The following FSIP2 variants were observed in gnomAD, a reference collection of about 807,000 sequenced individuals.
The protein encoded by FSIP2 is fibrous sheath interacting protein 2.
In FSIP2, 367 loss-of-function variants were observed where a neutral mutation model predicts 510.5. That is an observed-to-expected ratio of 0.72 (90% CI 0.66 to 0.78). FSIP2 has a LOEUF of 0.78. Among genes scored for constraint, FSIP2 ranks in the 30% least tolerant of loss-of-function variants. The pLI, the probability that FSIP2 is intolerant of heterozygous loss-of-function variation, is 0.00. For synonymous variants in FSIP2, 2,601 were observed against 2,732.2 expected, an observed-to-expected ratio of 0.95 and a Z score of 1.50; for missense variants, 7,594 against 7,901.7, an observed-to-expected ratio of 0.96 and a Z score of 1.48.
At chr2:185,760,780 G>C (rs1316392767) in intron 9 of FSIP2, among the ~76,000 whole-genome samples, 1 of 150,462 alleles carries the variant, frequency 6.6e-6, no homozygotes, top group Non-Finnish European at 1.5e-5. Context: ...TGAGAACAGA[G>C]AGATGGATAA....
intron 17 of FSIP2, among the ~76,000 whole-genome samples, chr2:185,809,384 T>A (rs1218112018): frequency 6.6e-6 from 1 of 152,050 alleles, no homozygotes; most frequent in African/African-American, 2.4e-5. Context: ...AGTTTTTTTT[T>A]AAGAATGAGA....
chr2:185,804,021 C>A lies in FSIP2; in HGVS notation c.14715C>A (p.Asn4905Lys). 1 of 1,499,460 alleles carries A rather than the reference C, an allele frequency of 6.7e-7. No homozygotes were observed. The highest frequency in any genetic ancestry group is 8.9e-7 in the Non-Finnish European group (1 of 1,128,342). The allele number at this position is 1,499,460 out of a possible 1,614,324, so 92.9% of individuals were successfully genotyped here. Reference sequence around the variant, plus strand: ...GTTTTATAATAAAAGAAATCTTTAACCATCATATTCAATCATTTTTATCTG... The same window carrying A: ...GTTTTATAATAAAAGAAATCTTTAAACATCATATTCAATCATTTTTATCTG... ...IASFIIKEIF[N>K]HHIQSFLSED... is the part of the protein sequence containing the mutation. The change falls in exon 17 of 23, where the codon AAC becomes AAA. Residue 4905 changes from asparagine to lysine, a missense_variant. By Grantham distance (94) the Asn-to-Lys change is moderately conservative. Coordinates refer to ENST00000424728, the MANE Select transcript of FSIP2 (RefSeq NM_173651.4).
At position 185,806,549 on chromosome 2, in the gene FSIP2, A is replaced by C; in HGVS notation, c.17243A>C (p.Glu5748Ala). ...AAAAATATCTCTGCCAAAGAAAAAG[A>C]AGAGGAAGAGAGAGAAAAAGAGAAA... is the stretch of plus-strand genomic sequence containing the variant. ...TNKNISAKEK[E>A]EEEREKEKVR... The change falls in exon 17 of 23, where the codon GAA becomes GCA. Residue 5748 changes from glutamate (E) to alanine (A), a missense_variant. Physicochemically the swap from Glu to Ala is moderately radical, Grantham distance 107 (BLOSUM62 -1). Transcript: ENST00000424728. 1 of 1,600,932 alleles carries C rather than the reference A, an allele frequency of 6.2e-7. No individual in the cohort carries two copies. Among genetic ancestry groups the C allele is most frequent in the Non-Finnish European group, 8.5e-7 (1 of 1,176,158 alleles).
At chr2:185,812,767 T>G (rs1693759172) in intron 17 of FSIP2, among the ~76,000 whole-genome samples, 1 of 152,048 alleles carries the variant, frequency 6.6e-6, no homozygotes, top group South Asian at 2.1e-4. Flanking sequence ...TTTAAAGAGG[T>G]TCTTCTGATA....
intron 14 of FSIP2, among the ~76,000 whole-genome samples, chr2:185,784,726 C>G (rs899917296): frequency 3.3e-5 from 5 of 151,970 alleles, no homozygotes; most frequent in Non-Finnish European, 7.4e-5. Context: ...AGTTAAAACA[C>G]CAAAACCCAC....
At chr2:185,763,417 A>T in intron 12 of FSIP2, 128 bp downstream of exon 12, 1 of 619,236 alleles carries the variant, frequency 1.6e-6, no homozygotes, top group African/African-American at 1.8e-5. Context: ...GAAATTAGTC[A>T]TACAATAATA....
intron 7 of FSIP2, among the ~76,000 whole-genome samples, chr2:185,748,199 G>C (rs1349844166): frequency 1.3e-5 from 2 of 151,872 alleles, no homozygotes; most frequent in Non-Finnish European, 2.9e-5. Flanking sequence ...GTACCTTTCA[G>C]TACCATCAGA....
In FSIP2 at chr2:185,796,516, A is replaced by T. The variant is rs1162423887; in HGVS notation, c.9380A>T (p.Asp3127Val). 1 of 1,534,924 alleles carries T rather than the reference A, an allele frequency of 6.5e-7. No homozygotes were observed. Residue 3127 changes from aspartate (D) to valine (V), a missense_variant, in exon 16 of 23, where the codon GAC becomes GTC. By Grantham distance (152) the Asp-to-Val change is radical. Coordinates refer to ENST00000424728, the MANE Select transcript of FSIP2 (RefSeq NM_173651.4). ...VASEIIGTLM[D>V]QCTYFNESLI... ...AGTGAGATCATTGGCACACTAATGG[A>T]CCAGTGTACTTATTTCAATGAGTCT...
chr2:185,828,062 T>C, intron 20 of FSIP2, 94 bp from the exon 21 acceptor site: 1 of 747,764 alleles, frequency 1.3e-6, no homozygotes, highest in Non-Finnish European at 2.3e-6. Context: ...TATGATTCTT[T>C]GGTGAAAAAT....
rs1693215700 is a variant in FSIP2, at chr2:185,794,325, T to A, written c.7189T>A (p.Leu2397Ile). ...TGTGAGTGAAATTGTTGACAGTATG[T>A]TAAAGATGTTAGATGATAAAAGATC... ...IIVSEIVDSM[L>I]KMLDDKRSVK... Residue 2397 changes from leucine to isoleucine, a missense_variant, in exon 16 of 23, where the codon TTA (leucine) becomes ATA (isoleucine). Transcript: ENST00000424728. 1.3e-6 allele frequency: 2 copies of A among 1,519,606 alleles called. No homozygotes were observed. Among genetic ancestry groups the A allele is most frequent in the East Asian group, 4.9e-5 (2 of 40,714 alleles). The allele number at this position is 1,519,606 out of a possible 1,614,324, so 94.1% of individuals were successfully genotyped here. A position where few individuals can be genotyped will look rare whatever the true frequency, so the allele number is the denominator to read the frequency against.
intron 9 of FSIP2, 93 bp downstream of exon 9, chr2:185,756,371 C>G (rs1199926994): frequency 1.2e-5 from 5 of 431,660 alleles, no homozygotes; most frequent in Non-Finnish European, 2.1e-5. Flanking sequence ...TAAGTGCAGA[C>G]AAATCCTGTT....
intron 19 of FSIP2, 83 bp downstream of exon 19, chr2:185,815,554 A>G: frequency 1.7e-6 from 1 of 577,842 alleles, no homozygotes. Context: ...GCAAAACTGT[A>G]ATTGAGCAAG....
In FSIP2 at chr2:185,802,235, G is replaced by C; in HGVS notation, c.12929G>C (p.Arg4310Thr). 1.3e-6 allele frequency: 2 copies of C among 1,533,710 alleles called. No homozygotes were observed. The highest frequency in any genetic ancestry group is 1.7e-6 in the Non-Finnish European group (2 of 1,145,286). ...GATATTCACCTTGATTCATTTGTAA[G>C]GGAGATTGTTGCCAGACTTTTGTCA... ...PLDIHLDSFV[R>T]EIVARLLSKI... The change falls in exon 17 of 23, where the codon AGG becomes ACG. Residue 4310 changes from arginine (R) to threonine (T), a missense_variant. Coordinates refer to ENST00000424728, the MANE Select transcript of FSIP2 (RefSeq NM_173651.4).
At chr2:185,756,920 C>T (rs1692257299) in intron 9 of FSIP2, among the ~76,000 whole-genome samples, 2 of 151,198 alleles carry the variant, frequency 1.3e-5, no homozygotes, top group Admixed American at 6.6e-5. Flanking sequence ...CTTTTCTTCC[C>T]GAGTATGCAA....
intron 21 of FSIP2, among the ~76,000 whole-genome samples, chr2:185,831,388 C>A (rs1444257950): frequency 6.6e-6 from 1 of 151,954 alleles, no homozygotes; most frequent in Non-Finnish European, 1.5e-5. Context: ...CCAGACTCTG[C>A]AGTGGCTAAG....
At chr2:185,832,959 G>T in intron 22 of FSIP2, 131 bp from the exon 23 acceptor site, 1 of 691,804 alleles carries the variant, frequency 1.4e-6, no homozygotes, top group Non-Finnish European at 2.5e-6. Context: ...GCATAATGAT[G>T]CCATGAGAGT....
chr2:185,759,426 CAT>C (rs1223975006), intron 9 of FSIP2, among the ~76,000 whole-genome samples: 1 of 144,134 alleles, frequency 6.9e-6, no homozygotes, highest in African/African-American at 2.5e-5. Flanking sequence ...ATATTATTAA[CAT>C]ATTTTAATAT....
intron 9 of FSIP2, among the ~76,000 whole-genome samples, chr2:185,758,071 T>C (rs1692277951): frequency 6.6e-6 from 1 of 151,280 alleles, no homozygotes; most frequent in African/African-American, 2.4e-5. Flanking sequence ...GAGAGTGTCA[T>C]ATAAATGGAA....
chr2:185,788,624 C>CTGCT lies in FSIP2; in HGVS notation c.1507-17_1507-14dup, dbSNP rs1172814564. 12 of 1,456,250 alleles carry CTGCT rather than the reference C, an allele frequency of 8.2e-6. No homozygotes were observed. 90.2% of individuals were successfully genotyped at this position (1,456,250 alleles called of 1,614,324 possible). On this transcript the variant is annotated intron_variant, in intron 15 of 22. Transcript: ENST00000424728. Reference sequence around the variant, plus strand: ...TTGTTACATGACTTTATTTTCATCTCTGCTTACCTCCTTTCCAGGTAACTT... The same window carrying CTGCT: ...TTGTTACATGACTTTATTTTCATCTCTGCTTGCTTACCTCCTTTCCAGGTAACTT...
Sources: allele counts gnomAD v4.1 joint callset (sites outside exome capture counted in the v4.1 genomes callset), GRCh38; gene constraint gnomAD v4.1.1; transcripts MANE v1.5; gene names NCBI Gene and HGNC (gene_info 2026-07-23, HGNC 2026-07-21).